The following KCNB2 variants were observed in gnomAD, a reference collection of about 807,000 sequenced individuals.
KCNB2 encodes the protein potassium voltage-gated channel subfamily B member 2.
In KCNB2, 15 loss-of-function variants were observed where a neutral mutation model predicts 61.5. The ratio of observed to expected loss-of-function variants is 0.24; its 90% CI spans 0.16 to 0.38. KCNB2 has a LOEUF of 0.38. Among genes scored for constraint, KCNB2 ranks in the 10% least tolerant of loss-of-function variants. The pLI, the probability that KCNB2 is intolerant of heterozygous loss-of-function variation, is 1.00. For synonymous variants in KCNB2, 457 were observed against 446.0 expected, an observed-to-expected ratio of 1.02 and a Z score of -0.31; for missense variants, 828 against 1,125.2, an observed-to-expected ratio of 0.74 and a Z score of 3.78.
At chr8:72,650,914 T>C (rs886581033) in intron 2 of KCNB2, among the ~76,000 whole-genome samples, 2 of 152,188 alleles carry the variant, frequency 1.3e-5, no homozygotes, top group African/African-American at 4.8e-5. Flanking sequence ...TTGTATTTAC[T>C]ATATGGCAGC....
chr8:72,762,230 C>T (rs942293179), intron 2 of KCNB2, among the ~76,000 whole-genome samples: 1 of 152,020 alleles, frequency 6.6e-6, no homozygotes, highest in Non-Finnish European at 1.5e-5. Context: ...GTTCTGTGAT[C>T]GATGGGGGAT....
At chr8:72,860,272 G>T (rs1810278087) in intron 2 of KCNB2, among the ~76,000 whole-genome samples, 2 of 144,810 alleles carry the variant, frequency 1.4e-5, no homozygotes, top group South Asian at 4.3e-4. Flanking sequence ...TTCCAATGAG[G>T]CTCCATCATT....
intron 1 of KCNB2, among the ~76,000 whole-genome samples, chr8:72,556,618 G>A (rs77468663): frequency 0.028 from 4,229 of 152,186 alleles, 191 homozygotes; most frequent in African/African-American, 0.093. Flanking sequence ...AATCGATTTT[G>A]ACAAAGTCCA....
At chr8:72,690,639 T>C (rs115658794) in intron 2 of KCNB2, among the ~76,000 whole-genome samples, 253 of 152,338 alleles carry the variant, frequency 1.7e-3, no homozygotes, top group African/African-American at 5.8e-3. Context: ...CAGGTTTCCA[T>C]AGGACTTTAA....
rs576358354 is a variant in KCNB2 at position 72,566,547 on chromosome 8, A to G, written c.-93-1095A>G. On this transcript the variant is annotated intron_variant, in intron 1 of 2. Transcript: ENST00000523207. ...AGACCCTGTCTCTAAAAAAAAAAAA[A>G]AATACAAAAATTAGCCAGGCATGGT... Among the ~76,000 whole-genome samples, 7 of 152,102 alleles carry G rather than the reference A, an allele frequency of 4.6e-5. No individual in the cohort carries two copies. The East Asian group carries it at 1.4e-3, about 29-fold the overall frequency.
At position 72,787,650 on chromosome 8, in the gene KCNB2, G is replaced by A. The variant is rs750269544; in HGVS notation, c.580-148285G>A. 1.2e-4 allele frequency among the ~76,000 whole-genome samples: 19 copies of A among 152,236 alleles called. No individual in the cohort carries two copies. In the South Asian group the frequency reaches 1.9e-3, roughly 15 times the overall value. ...TTACAACTGGAGATTGGAAATGGTA[G>A]ATTTCAGAGTAAAGTTTTGGAAGAA... On this transcript the variant is annotated intron_variant, in intron 2 of 2. Coordinates refer to ENST00000523207, the MANE Select transcript of KCNB2 (RefSeq NM_004770.3).
Position 72,937,646 on chromosome 8 carries a change from G to A in KCNB2, c.2291G>A (p.Gly764Glu), listed in dbSNP as rs1214783430. Residue 764 changes from glycine (G) to glutamate (E), a missense_variant, in exon 3 of 3, where the codon GGA becomes GAA. Around this residue, in one of 4 missense-constraint regions of KCNB2, gnomAD observed 559 missense variants for 588.4 expected, o/e 0.95. Coordinates refer to ENST00000523207, the MANE Select transcript of KCNB2 (RefSeq NM_004770.3). ...CTCTTAGAAGAAACCCCCTCCCAGGGAGACAGACCCTTGCTGGGCACTGAG... is the reference window on the plus strand; with the variant it reads ...CTCTTAGAAGAAACCCCCTCCCAGGAAGACAGACCCTTGCTGGGCACTGAG... ...TILLEETPSQ[G>E]DRPLLGTEVS... The A allele has an allele frequency of 4.3e-6, 7 of 1,613,942 alleles. No homozygotes were observed. The highest frequency in any genetic ancestry group is 5.9e-6 in the Non-Finnish European group (7 of 1,180,024).
At chr8:72,713,877 G>T (rs1807371685) in intron 2 of KCNB2, among the ~76,000 whole-genome samples, 1 of 152,154 alleles carries the variant, frequency 6.6e-6, no homozygotes, top group South Asian at 2.1e-4. Flanking sequence ...AAAGGAGGAA[G>T]TTCGAAACAA....
intron 2 of KCNB2, among the ~76,000 whole-genome samples, chr8:72,726,379 G>T (rs977737965): frequency 2.0e-5 from 3 of 152,184 alleles, no homozygotes; most frequent in African/African-American, 7.2e-5. Flanking sequence ...ATGGCATTTT[G>T]TTACGGCAAC....
At chr8:72,718,919 G>T (rs1290485037) in intron 2 of KCNB2, among the ~76,000 whole-genome samples, 1 of 152,094 alleles carries the variant, frequency 6.6e-6, no homozygotes, top group African/African-American at 2.4e-5. Flanking sequence ...GAATAAATTG[G>T]CCGAGTCATA....
chr8:72,675,931 A>G (rs1806646693), intron 2 of KCNB2, among the ~76,000 whole-genome samples: 1 of 152,182 alleles, frequency 6.6e-6, no homozygotes, highest in Non-Finnish European at 1.5e-5. Flanking sequence ...CACATTCAAG[A>G]CAGACAAAAA....
At chr8:72,871,311 T>C (rs931230257) in intron 2 of KCNB2, among the ~76,000 whole-genome samples, 1 of 152,202 alleles carries the variant, frequency 6.6e-6, no homozygotes, top group African/African-American at 2.4e-5. Context: ...AGATGTTTAT[T>C]GAATGAATTA....
At chr8:72,689,927 G>C (rs888733443) in intron 2 of KCNB2, among the ~76,000 whole-genome samples, 1 of 151,810 alleles carries the variant, frequency 6.6e-6, no homozygotes, top group African/African-American at 2.4e-5. Context: ...TACATTCGGT[G>C]ACTAGACTGG....
intron 2 of KCNB2, among the ~76,000 whole-genome samples, chr8:72,920,581 C>T: frequency 6.7e-6 from 1 of 148,350 alleles, no homozygotes; most frequent in Non-Finnish European, 1.5e-5. Context: ...AGGTGGAGGT[C>T]ACAGTGACCC....
At chr8:72,835,785 T>C (rs1809770926) in intron 2 of KCNB2, among the ~76,000 whole-genome samples, 1 of 152,216 alleles carries the variant, frequency 6.6e-6, no homozygotes, top group African/African-American at 2.4e-5. Context: ...AATTCACTTA[T>C]AGAAAATATT....
chr8:72,622,837 T>G (rs1049345029), intron 2 of KCNB2, among the ~76,000 whole-genome samples: 4 of 152,288 alleles, frequency 2.6e-5, no homozygotes, highest in African/African-American at 9.6e-5. Flanking sequence ...GCATCTTAGT[T>G]ACCTGTAAGA....
At position 72,828,950 on chromosome 8, in the gene KCNB2, G is replaced by A. The variant is rs199593649; in HGVS notation, c.580-106985G>A. On this transcript the variant is annotated intron_variant, in intron 2 of 2. Transcript: ENST00000523207. ...TATTATTAAATGTATGTTGACCTGT[G>A]TGCATTTATGATCTCCAGATTAACG... Among the ~76,000 whole-genome samples, 25 of 152,212 alleles carry A rather than the reference G, an allele frequency of 1.6e-4. No homozygotes were observed. The East Asian group carries it at 1.7e-3, about 11-fold the overall frequency.
intron 2 of KCNB2, among the ~76,000 whole-genome samples, chr8:72,584,292 G>A (rs1806962777): frequency 6.6e-6 from 1 of 152,110 alleles, no homozygotes; most frequent in African/African-American, 2.4e-5. Flanking sequence ...ATATGAGGGA[G>A]TCCATGAAAG....
intron 2 of KCNB2, among the ~76,000 whole-genome samples, chr8:72,761,219 T>C (rs1808374051): frequency 6.6e-6 from 1 of 152,166 alleles, no homozygotes; most frequent in South Asian, 2.1e-4. Context: ...CTCTCTACCC[T>C]GCATCCATCC....
Sources: allele counts gnomAD v4.1 joint callset (sites outside exome capture counted in the v4.1 genomes callset), GRCh38; gene constraint gnomAD v4.1.1; regional missense constraint gnomAD v4.1.1; transcripts MANE v1.5; gene names NCBI Gene and HGNC (gene_info 2026-07-23, HGNC 2026-07-21).